TRAP1: variants seen among roughly 807,000 people sequenced by gnomAD.
The protein encoded by TRAP1 is heat shock protein 75 kDa, mitochondrial.
In TRAP1, 102 loss-of-function variants were observed where a neutral mutation model predicts 89.1. That is an observed-to-expected ratio of 1.15 (90% CI 0.98 to 1.35). TRAP1 has a LOEUF of 1.35. Ranked by LOEUF, TRAP1 falls within the 40% of genes most tolerant of loss-of-function variation. The probability of loss-of-function intolerance (pLI) is 0.00; values close to 1 mark genes in which losing one functional copy is unlikely to be tolerated. For synonymous variants in TRAP1, 508 were observed against 388.0 expected, an observed-to-expected ratio of 1.31 and a Z score of -3.64; for missense variants, 1,256 against 945.3, an observed-to-expected ratio of 1.33 and a Z score of -4.31.
intron 11 of TRAP1, among the ~76,000 whole-genome samples, 158 bp downstream of exon 11, chr16:3,671,564 C>A (rs1363232867): frequency 2.0e-5 from 3 of 152,238 alleles, no homozygotes. Flanking sequence ...GCCAGGCCAG[C>A]ACCTGGAAGG....
At chr16:3,677,692 C>A in intron 5 of TRAP1, 34 bp from the exon 6 acceptor site, 1 of 1,602,856 alleles carries the variant, frequency 6.2e-7, no homozygotes. Flanking sequence ...GAGGCAGCCT[C>A]CCCTCCAGAG....
At chr16:3,699,717 G>A (rs1042661076) in intron 1 of TRAP1, among the ~76,000 whole-genome samples, 4 of 152,004 alleles carry the variant, frequency 2.6e-5, no homozygotes, top group Non-Finnish European at 5.9e-5. Flanking sequence ...ACCCAGGCTG[G>A]AGTGCAGTGG....
chr16:3,684,697 CGA>C (rs1280457610), intron 4 of TRAP1, among the ~76,000 whole-genome samples: 2 of 151,962 alleles, frequency 1.3e-5, no homozygotes, highest in African/African-American at 2.4e-5. Flanking sequence ...AGCTGAGGCA[CGA>C]GAGTTGCTTG....
At chr16:3,700,060 C>T (rs950983277) in intron 1 of TRAP1, among the ~76,000 whole-genome samples, 1 of 152,034 alleles carries the variant, frequency 6.6e-6, no homozygotes, top group Non-Finnish European at 1.5e-5. Flanking sequence ...TAATTTATCT[C>T]ACCAAATTAG....
intron 11 of TRAP1, among the ~76,000 whole-genome samples, chr16:3,668,727 T>C (rs3794699): frequency 0.27 from 41,155 of 152,160 alleles, 6,788 homozygotes; most frequent in African/African-American, 0.46. Flanking sequence ...CCAGCATGCC[T>C]GCCACAGCCA....
chr16:3,710,879 A>ATATTT (rs71133652), intron 1 of TRAP1, among the ~76,000 whole-genome samples: 3 of 125,828 alleles, frequency 2.4e-5, no homozygotes, highest in African/African-American at 9.8e-5. Context: ...ATATATATAT[A>ATATTT]TTTTTTTTTT....
At chr16:3,678,455 TTTGTTGTTGTTG>T (rs143817901) in intron 5 of TRAP1, 16 of 150,700 alleles carry the variant, frequency 1.1e-4, no homozygotes, top group African/African-American at 3.7e-4. Context: ...GGGTTTTTTG[TTTGTTGTTGTTG>T]TTGTTGTTGT....
Position 3,680,126 on chromosome 16 carries a change from T to A in TRAP1, c.472-336A>T, listed in dbSNP as rs142961522. ...CCTGTGGTTCCAGCTACTCGGAGGC[T>A]GAGGCAGGAAAATTGCTTGAGCCCA... is the stretch of plus-strand genomic sequence containing the variant. On this transcript the variant is annotated intron_variant, in intron 4 of 17. Transcript: ENST00000246957. The A allele has an allele frequency of 2.9e-3, 653 of 221,572 alleles. 4 individuals carry two copies. Among genetic ancestry groups the A allele is most frequent in the African/African-American group, 0.014 (615 of 44,706 alleles). 13.7% of individuals were successfully genotyped at this position (221,572 alleles called of 1,614,324 possible).
At chr16:3,692,219 T>C (rs186973709) in intron 1 of TRAP1, among the ~76,000 whole-genome samples, 5 of 152,066 alleles carry the variant, frequency 3.3e-5, no homozygotes, top group Non-Finnish European at 7.4e-5. Context: ...CAACAGAATA[T>C]CCAGGAATCA....
intron 1 of TRAP1, among the ~76,000 whole-genome samples, chr16:3,716,122 G>C (rs1431255914): frequency 6.6e-6 from 1 of 152,204 alleles, no homozygotes; most frequent in African/African-American, 2.4e-5. Flanking sequence ...CAAAGTGCTA[G>C]GATTACAGGC....
intron 1 of TRAP1, among the ~76,000 whole-genome samples, chr16:3,699,555 G>A (rs896393884): frequency 1.3e-5 from 2 of 149,776 alleles, no homozygotes; most frequent in African/African-American, 4.9e-5. Flanking sequence ...GAACCCACGA[G>A]GCAGAGGTTG....
Position 3,706,880 on chromosome 16 carries a change from A to G in TRAP1, c.88+10541T>C, listed in dbSNP as rs556571736. Among the ~76,000 whole-genome samples the G allele has an allele frequency of 2.5e-4, 38 of 152,166 alleles. No individual in the cohort carries two copies. In the South Asian group the frequency reaches 7.7e-3, roughly 31 times the overall value. The stretch of plus-strand genomic sequence containing the variant: ...GGACATGTTTTCATGTCTACAAGGT[A>G]TGTGCCTCAGGGTAGAACTGTGGGG... On this transcript the variant is annotated intron_variant, in intron 1 of 17. Coordinates refer to ENST00000246957, the MANE Select transcript of TRAP1 (RefSeq NM_016292.3).
intron 11 of TRAP1, 80 bp downstream of exon 11, chr16:3,671,641 CG>C: frequency 6.7e-7 from 1 of 1,489,644 alleles, no homozygotes; most frequent in East Asian, 2.4e-5. Context: ...CCATGGGCCA[CG>C]GCTAGGGCCC....
intron 1 of TRAP1, among the ~76,000 whole-genome samples, chr16:3,715,612 GA>G (rs894244200): frequency 3.3e-5 from 5 of 151,952 alleles, no homozygotes; most frequent in African/African-American, 1.2e-4. Context: ...CTCCAAGGGG[GA>G]AAAAACCCGA....
rs138210295 is a variant in TRAP1, at chr16:3,666,074, A to G, written c.1280T>C (p.Ile427Thr). The G allele has an allele frequency of 8.1e-6, 13 of 1,614,006 alleles. No homozygotes were observed. The highest frequency in any genetic ancestry group is 6.7e-5 in the African/African-American group (5 of 74,936). The change falls in exon 12 of 18, where the codon ATT becomes ACT. Residue 427 changes from isoleucine to threonine, a missense_variant. Ile to Thr is a moderately conservative substitution (Grantham distance 89). Coordinates refer to ENST00000246957, the MANE Select transcript of TRAP1 (RefSeq NM_016292.3). ...CTCAGCATCTTTTTTACTCTGGTCA[A>G]TGAAGAATTTGATCAGCCTCTGCTG... ...VLQQRLIKFFIDQSKKDAEKY... is the reference protein window; with the variant it reads ...VLQQRLIKFFTDQSKKDAEKY...
intron 1 of TRAP1, among the ~76,000 whole-genome samples, chr16:3,702,644 T>G (rs748230643): frequency 2.0e-5 from 3 of 151,512 alleles, no homozygotes; most frequent in Non-Finnish European, 2.9e-5. Flanking sequence ...CTTGGGGTAC[T>G]TGAGGCGGAA....
At chr16:3,701,597 G>A (rs935537499) in intron 1 of TRAP1, among the ~76,000 whole-genome samples, 2 of 151,688 alleles carry the variant, frequency 1.3e-5, no homozygotes, top group Non-Finnish European at 2.9e-5. Context: ...GAAAAACCTG[G>A]GGCAAAAGAT....
intron 4 of TRAP1, among the ~76,000 whole-genome samples, chr16:3,682,594 C>T (rs111843862): frequency 0.24 from 36,156 of 151,980 alleles, 4,644 homozygotes; most frequent in South Asian, 0.35. Context: ...GGTTTCACCA[C>T]GTTGCCCAGG....
chr16:3,683,506 C>T (rs1239417644), intron 4 of TRAP1, among the ~76,000 whole-genome samples: 6 of 151,730 alleles, frequency 4.0e-5, no homozygotes, highest in Non-Finnish European at 8.8e-5. Flanking sequence ...CTGCCTCAGC[C>T]TCCTGAGCAG....
Sources: gnomAD v4.1 joint callset for allele counts (sites outside exome capture counted in the v4.1 genomes callset) on GRCh38, gnomAD v4.1.1 for gene constraint, MANE v1.5 for transcripts, NCBI Gene and HGNC (gene_info 2026-07-23, HGNC 2026-07-21) for gene names.